The following SLC35F4 variants were observed in gnomAD, a reference collection of about 807,000 sequenced individuals.
SLC35F4 encodes the protein solute carrier family 35 member F4, also known as chromosome 14 open reading frame 36.
A neutral mutation model predicts 44.2 loss-of-function variants in SLC35F4; 24 were observed. That is an observed-to-expected ratio of 0.54 (90% confidence interval 0.39 to 0.76). The LOEUF (loss-of-function observed/expected upper bound fraction) is 0.76. Among genes scored for constraint, SLC35F4 ranks in the 30% least tolerant of loss-of-function variants. The pLI is 0.00. For synonymous variants in SLC35F4, 238 were observed against 223.6 expected (o/e 1.06, Z -0.57); for missense variants, 562 against 586.1 (o/e 0.96, Z 0.42).
chr14:57,679,453 C>T (rs1282952172), intron 1 of SLC35F4, among the ~76,000 whole-genome samples: 1 of 151,938 alleles, frequency 6.6e-6, no homozygotes, highest in Non-Finnish European at 1.5e-5. Context: ...CCTAATACCA[C>T]AATTAAAAGA....
At chr14:57,934,430 T>C (rs578199897) in intron 1 of SLC35F4, among the ~76,000 whole-genome samples, 2 of 151,158 alleles carry the variant, frequency 1.3e-5, no homozygotes, top group South Asian at 4.3e-4. Context: ...AAGCAAGCAG[T>C]ATGCATGTTA....
chr14:57,760,082 T>G lies in SLC35F4; in HGVS notation c.103+105641A>C, dbSNP rs190808298. ...GCTTTTGTAGCCTGAGATTTTGGTG[T>G]GATATCCAAAAAATCATTGCCAAGT... On this transcript the variant is annotated intron_variant, in intron 1 of 7. Transcript: ENST00000556826. Among the ~76,000 whole-genome samples, 311 of 152,230 alleles carry G rather than the reference T, an allele frequency of 2.0e-3. 1 individual carries two copies. Among genetic ancestry groups the G allele is most frequent in the African/African-American group, 7.2e-3 (298 of 41,538 alleles).
In SLC35F4 at chr14:57,700,868, C is replaced by T. The variant is rs75907895; in HGVS notation, c.104-106744G>A. ...CTGCAGTGAGCCAAGATCACATCAT[C>T]GCACTTCAGCCTGGGTGACAGAGTG... is the stretch of plus-strand genomic sequence containing the variant. On this transcript the variant is annotated intron_variant, in intron 1 of 7. Coordinates refer to ENST00000556826, the MANE Select transcript of SLC35F4 (RefSeq NM_001306087.2). Among the ~76,000 whole-genome samples the T allele has an allele frequency of 2.1e-3, 316 of 152,222 alleles. 1 individual carries two copies. The highest frequency in any genetic ancestry group is 7.1e-3 in the African/African-American group (297 of 41,550).
chr14:57,959,508 G>A (rs147465192), intron 1 of SLC35F4, among the ~76,000 whole-genome samples: 1 of 152,174 alleles, frequency 6.6e-6, no homozygotes, highest in Admixed American at 6.5e-5. Context: ...CACTCATACA[G>A]TCAGAAATTA....
At chr14:57,583,301 GAGAAAGCTGCC>G (rs1184439504) in intron 3 of SLC35F4, among the ~76,000 whole-genome samples, 2 of 152,200 alleles carry the variant, frequency 1.3e-5, no homozygotes, top group African/African-American at 4.8e-5. Flanking sequence ...TCTGCTCCGT[GAGAAAGCTGCC>G]GTGTAGAGCT....
chr14:57,920,488 G>T (rs1242755139), intron 1 of SLC35F4, among the ~76,000 whole-genome samples: 1 of 152,116 alleles, frequency 6.6e-6, no homozygotes, highest in Non-Finnish European at 1.5e-5. Flanking sequence ...CAGGAAGATT[G>T]CTTGAGCCCA....
intron 1 of SLC35F4, among the ~76,000 whole-genome samples, chr14:57,797,385 G>T (rs2078078112): frequency 6.6e-6 from 1 of 152,188 alleles, no homozygotes; most frequent in Non-Finnish European, 1.5e-5. Flanking sequence ...ATGAGGCACA[G>T]AATGAGATAG....
rs142482759 is a variant in SLC35F4, at chr14:57,833,261, T to A, written c.103+32462A>T. On this transcript the variant is annotated intron_variant, in intron 1 of 7. Transcript: ENST00000556826. ...CCCTAATGAGATTACCTTAACCCTA[T>A]CCCTAGCTCTGCACATCCTGTGACA... Among the ~76,000 whole-genome samples the A allele has an allele frequency of 2.0e-5, 3 of 152,258 alleles. No individual in the cohort carries two copies. In the East Asian group the frequency reaches 5.8e-4, roughly 29 times the overall value.
upstream of SLC35F4, among the ~76,000 whole-genome samples, chr14:57,866,987 T>C (rs1888183722): frequency 6.8e-6 from 1 of 147,294 alleles, no homozygotes; most frequent in Non-Finnish European, 1.5e-5. Context: ...ATAATAATAA[T>C]AATAATAATA....
intron 1 of SLC35F4, among the ~76,000 whole-genome samples, chr14:57,640,349 A>G (rs80170119): frequency 0.028 from 4,207 of 152,196 alleles, 85 homozygotes; most frequent in South Asian, 0.075. Context: ...AAAAGAGATA[A>G]AGAATTCCTT....
intron 1 of SLC35F4, among the ~76,000 whole-genome samples, chr14:57,793,971 C>T (rs7493700): frequency 0.25 from 37,885 of 151,934 alleles, 5,103 homozygotes; most frequent in Admixed American, 0.38. Context: ...AAAGGACATG[C>T]TATTCAATAA....
intron 1 of SLC35F4, among the ~76,000 whole-genome samples, chr14:57,929,276 T>A (rs1226955828): frequency 2.0e-5 from 3 of 151,980 alleles, no homozygotes; most frequent in Non-Finnish European, 4.4e-5. Context: ...GAAAGATGAG[T>A]AAACTAAGCA....
chr14:57,929,726 T>C (rs1889656076), intron 1 of SLC35F4, among the ~76,000 whole-genome samples: 1 of 152,126 alleles, frequency 6.6e-6, no homozygotes, highest in Non-Finnish European at 1.5e-5. Context: ...TTATCTTCTT[T>C]CTCCAGAAGA....
chr14:57,721,005 T>TATATATAC (rs1555376891), intron 1 of SLC35F4, among the ~76,000 whole-genome samples: 42 of 123,964 alleles, frequency 3.4e-4, no homozygotes, highest in Non-Finnish European at 6.5e-4. Context: ...TATATATATA[T>TATATATAC]ATATATATAT....
intron 1 of SLC35F4, among the ~76,000 whole-genome samples, chr14:57,909,225 T>A (rs1480903167): frequency 6.6e-6 from 1 of 152,146 alleles, no homozygotes; most frequent in East Asian, 1.9e-4. Context: ...TCCCCCACTA[T>A]CAGCACCCCA....
At chr14:57,672,426 C>G (rs1196729510) in intron 1 of SLC35F4, among the ~76,000 whole-genome samples, 1 of 152,094 alleles carries the variant, frequency 6.6e-6, no homozygotes, top group Non-Finnish European at 1.5e-5. Flanking sequence ...CTAATCCAAA[C>G]TTTGTGCCAT....
intron 1 of SLC35F4, among the ~76,000 whole-genome samples, chr14:57,656,620 C>A (rs1215933013): frequency 2.0e-5 from 3 of 152,048 alleles, no homozygotes; most frequent in African/African-American, 7.2e-5. Context: ...CCCAGCTCCA[C>A]CTCTCACTAG....
At chr14:57,850,420 T>C (rs1886450589) in intron 1 of SLC35F4, among the ~76,000 whole-genome samples, 2 of 152,208 alleles carry the variant, frequency 1.3e-5, no homozygotes, top group South Asian at 4.1e-4. Flanking sequence ...AATTTTGTTT[T>C]TAATCAAGAA....
intron 1 of SLC35F4, among the ~76,000 whole-genome samples, chr14:57,757,022 T>C (rs1804007316): frequency 6.6e-6 from 1 of 152,160 alleles, no homozygotes; most frequent in African/African-American, 2.4e-5. Flanking sequence ...GTGAATGTTT[T>C]CATTTCTCTT....
Sources: allele counts gnomAD v4.1 joint callset (sites outside exome capture counted in the v4.1 genomes callset), GRCh38; gene constraint gnomAD v4.1.1; transcripts MANE v1.5; gene names NCBI Gene and HGNC (gene_info 2026-07-23, HGNC 2026-07-21).